CPNE4: variants seen among roughly 807,000 people sequenced by gnomAD.
CPNE4 encodes the protein copine 4, also known as copine-4.
CPNE4 carries 25 observed loss-of-function variants against 67.9 expected under a neutral mutation model. The observed-to-expected ratio is 0.37, with a 90% CI of 0.27 to 0.51. CPNE4 has a LOEUF of 0.51. Among genes scored for constraint, CPNE4 ranks in the 20% least tolerant of loss-of-function variants. CPNE4 has a pLI of 0.93. For synonymous variants in CPNE4, 242 were observed against 244.9 expected (o/e 0.99, Z 0.11); for missense variants, 464 against 690.8 (o/e 0.67, Z 3.68).
chr3:131,978,525 AAT>A (rs1335768086), intron 1 of CPNE4, among the ~76,000 whole-genome samples: 101 of 74,382 alleles, frequency 1.4e-3, no homozygotes, highest in African/African-American at 6.8e-3. Context: ...TATTTATATA[AAT>A]ATAAATATAT....
At chr3:131,700,053 C>CTTTTTTTTTTT in intron 3 of CPNE4, 73 bp from the exon 4 acceptor site, 1 of 345,122 alleles carries the variant, frequency 2.9e-6, no homozygotes, top group South Asian at 3.6e-5. Context: ...ATTTTTTAAA[C>CTTTTTTTTTTT]CTTTTTTTTT....
chr3:131,981,678 C>G (rs1464479122), intron 1 of CPNE4, among the ~76,000 whole-genome samples: 1 of 152,194 alleles, frequency 6.6e-6, no homozygotes. Flanking sequence ...GTAGTTTTAC[C>G]CAGTGCTCAT....
chr3:131,567,594 G>A (rs959030161), intron 10 of CPNE4, among the ~76,000 whole-genome samples: 7 of 151,846 alleles, frequency 4.6e-5, no homozygotes, highest in African/African-American at 1.7e-4. Flanking sequence ...ACCCTACTAT[G>A]TCATTTTCAT....
Position 131,593,701 on chromosome 3 carries a change from G to GGTTT in CPNE4, c.682-6123_682-6120dup, listed in dbSNP as rs981277116. ...CTCTGGCTAGAATTTCCAGGACTAT[G>GGTTT]GTTTGTTTGTTTGTTTGTTTGTTTT... On this transcript the variant is annotated intron_variant, in intron 7 of 15. Coordinates refer to ENST00000429747, the MANE Select transcript of CPNE4 (RefSeq NM_130808.3). Among the ~76,000 whole-genome samples the GGTTT allele has an allele frequency of 5.3e-4, 81 of 152,010 alleles. 1 individual carries two copies. Among genetic ancestry groups the GGTTT allele is most frequent in the Non-Finnish European group, 8.4e-4 (57 of 67,932 alleles).
intron 2 of CPNE4, among the ~76,000 whole-genome samples, chr3:131,807,409 C>T (rs558745869): frequency 6.6e-6 from 1 of 152,178 alleles, no homozygotes; most frequent in African/African-American, 2.4e-5. Context: ...ATACTTAGGT[C>T]ATTATATACA....
chr3:131,778,243 T>C (rs1015553518), intron 2 of CPNE4, among the ~76,000 whole-genome samples: 1 of 152,098 alleles, frequency 6.6e-6, no homozygotes, highest in African/African-American at 2.4e-5. Flanking sequence ...TGCATGCACA[T>C]TCTCAAGGCC....
intron 7 of CPNE4, among the ~76,000 whole-genome samples, chr3:131,606,660 A>G (rs1283739376): frequency 6.6e-6 from 1 of 152,098 alleles, no homozygotes; most frequent in East Asian, 1.9e-4. Context: ...GGGCCTTGCC[A>G]ATCCTTGGGA....
intron 2 of CPNE4, among the ~76,000 whole-genome samples, chr3:131,741,090 A>G (rs908577424): frequency 6.6e-6 from 1 of 152,052 alleles, no homozygotes; most frequent in African/African-American, 2.4e-5. Flanking sequence ...AACATTTCCT[A>G]TTTCCATTTG....
chr3:131,882,417 G>T (rs9839587), intron 2 of CPNE4, among the ~76,000 whole-genome samples: 42,520 of 151,976 alleles, frequency 0.28, 7,256 homozygotes, highest in Non-Finnish European at 0.37. Context: ...AAACTATAAA[G>T]ATTTAAAATA....
chr3:131,659,016 T>C (rs1286100668), intron 7 of CPNE4, among the ~76,000 whole-genome samples: 1 of 152,210 alleles, frequency 6.6e-6, no homozygotes, highest in Non-Finnish European at 1.5e-5. Context: ...TTGACAAGGC[T>C]AGGTTAAAAA....
chr3:131,934,622 T>G (rs2071169120), intron 1 of CPNE4, among the ~76,000 whole-genome samples: 1 of 152,094 alleles, frequency 6.6e-6, no homozygotes. Context: ...GTCTATGTAT[T>G]CTCATTGCTC....
intron 2 of CPNE4, among the ~76,000 whole-genome samples, chr3:131,799,172 G>C (rs886761006): frequency 2.6e-5 from 4 of 152,056 alleles, no homozygotes; most frequent in Non-Finnish European, 5.9e-5. Context: ...TCCCATGAGA[G>C]ACCAGATATA....
intron 7 of CPNE4, among the ~76,000 whole-genome samples, chr3:131,612,958 C>T (rs779597710): frequency 1.3e-5 from 2 of 152,178 alleles, no homozygotes; most frequent in East Asian, 1.9e-4. Context: ...AAGAGGAAGT[C>T]GTATCTTGTA....
rs866201127 is a variant in CPNE4 at position 131,792,656 on chromosome 3, C to T, written c.181-69031G>A. ...ACACACGTGTATATATGTATATATACACACGTGTATATATACATATATACA... is the reference window on the plus strand; with the variant it reads ...ACACACGTGTATATATGTATATATATACACGTGTATATATACATATATACA... On this transcript the variant is annotated intron_variant, in intron 2 of 15. Coordinates refer to ENST00000429747, the MANE Select transcript of CPNE4 (RefSeq NM_130808.3). Among the ~76,000 whole-genome samples the T allele has an allele frequency of 2.0e-3, 96 of 48,354 alleles. 1 individual carries two copies. The highest frequency in any genetic ancestry group is 9.6e-3 in the East Asian group (15 of 1,560). The allele number at this position is 48,354 out of a possible 152,430, so 31.7% of individuals were successfully genotyped here.
At chr3:131,646,139 G>A (rs1160463889) in intron 7 of CPNE4, among the ~76,000 whole-genome samples, 1 of 152,110 alleles carries the variant, frequency 6.6e-6, no homozygotes, top group Non-Finnish European at 1.5e-5. Context: ...ATTTCATACT[G>A]GTCTAGGATA....
intron 2 of CPNE4, among the ~76,000 whole-genome samples, chr3:131,880,481 T>C (rs1285370392): frequency 6.6e-6 from 1 of 152,164 alleles, no homozygotes; most frequent in Non-Finnish European, 1.5e-5. Flanking sequence ...CTATCAAAAT[T>C]GAAAATGATG....
At chr3:131,556,111 C>T (rs945227939) in intron 11 of CPNE4, among the ~76,000 whole-genome samples, 1 of 152,020 alleles carries the variant, frequency 6.6e-6, no homozygotes, top group Admixed American at 6.6e-5. Flanking sequence ...CAGTGGCTCA[C>T]TCCTGTAATC....
intron 2 of CPNE4, among the ~76,000 whole-genome samples, chr3:131,813,052 A>T (rs2084597920): frequency 6.6e-6 from 1 of 152,202 alleles, no homozygotes; most frequent in African/African-American, 2.4e-5. Flanking sequence ...AAGAATAGTT[A>T]AGAAAATTGT....
intron 13 of CPNE4, among the ~76,000 whole-genome samples, chr3:131,551,735 C>A (rs1228048140): frequency 2.0e-5 from 3 of 152,064 alleles, no homozygotes; most frequent in African/African-American, 7.2e-5. Context: ...GAGATATGGA[C>A]ATTTCTAATG....
Sources: allele counts gnomAD v4.1 joint callset (sites outside exome capture counted in the v4.1 genomes callset), GRCh38; gene constraint gnomAD v4.1.1; transcripts MANE v1.5; gene names NCBI Gene and HGNC (gene_info 2026-07-23, HGNC 2026-07-21).